The following PXDNL variants were observed in gnomAD, a reference collection of about 807,000 sequenced individuals.
PXDNL encodes probable oxidoreductase PXDNL.
A neutral mutation model predicts 150.8 loss-of-function variants in PXDNL; 145 were observed. That is an observed-to-expected ratio of 0.96 (90% CI 0.84 to 1.10). PXDNL has a LOEUF of 1.10. Ranked by LOEUF, PXDNL falls within the 50% of genes least tolerant of loss-of-function variation. PXDNL has a pLI of 0.00. For missense variants in PXDNL, 2,087 were observed against 1,873.9 expected, an observed-to-expected ratio of 1.11 and a Z score of -2.10; for synonymous variants, 757 against 725.7, an observed-to-expected ratio of 1.04 and a Z score of -0.69.
intron 4 of PXDNL, among the ~76,000 whole-genome samples, chr8:51,507,536 A>G (rs201044949): frequency 1.3e-5 from 2 of 152,214 alleles, no homozygotes; most frequent in East Asian, 3.8e-4. Context: ...TTAAAGATAT[A>G]AGGACACATG....
rs568986420 is a variant in PXDNL, at chr8:51,805,331, T to G, written c.164+3850A>C. Among the ~76,000 whole-genome samples, 24 of 148,572 alleles carry G rather than the reference T, an allele frequency of 1.6e-4. No individual in the cohort carries two copies. The East Asian group carries it at 4.1e-3, about 25-fold the overall frequency. On this transcript the variant is annotated intron_variant, in intron 1 of 22. Transcript: ENST00000356297. Reference sequence around the variant, plus strand: ...TATATATACATATATATATTTTAAATTATACAATTTTATATATAAAACTTT... The same window carrying G: ...TATATATACATATATATATTTTAAAGTATACAATTTTATATATAAAACTTT...
intron 1 of PXDNL, among the ~76,000 whole-genome samples, chr8:51,741,989 A>G (rs1019135418): frequency 7.2e-5 from 11 of 152,220 alleles, no homozygotes; most frequent in African/African-American, 2.4e-4. Flanking sequence ...AAACAACCAA[A>G]TATGCTTCAG....
intron 1 of PXDNL, among the ~76,000 whole-genome samples, chr8:51,729,528 G>A (rs978713136): frequency 1.3e-5 from 2 of 152,214 alleles, no homozygotes; most frequent in African/African-American, 4.8e-5. Flanking sequence ...GAGCAGCAGA[G>A]ACTCTTATTG....
rs559126002 is a variant in PXDNL at position 51,405,022 on chromosome 8, G to A, written c.3557+3045C>T. Reference sequence around the variant, plus strand: ...AATTCGAGCTCAGCACCGGGACCCAGCGCACCCTCCGCAGCTGCTGGCCCG... The same window carrying A: ...AATTCGAGCTCAGCACCGGGACCCAACGCACCCTCCGCAGCTGCTGGCCCG... On this transcript the variant is annotated intron_variant, in intron 17 of 22. Coordinates refer to ENST00000356297, the MANE Select transcript of PXDNL (RefSeq NM_144651.5). Among the ~76,000 whole-genome samples the A allele has an allele frequency of 2.0e-5, 3 of 152,276 alleles. No homozygotes were observed. The East Asian group carries it at 5.8e-4, about 30-fold the overall frequency.
intron 1 of PXDNL, among the ~76,000 whole-genome samples, chr8:51,776,339 A>C (rs1249122680): frequency 6.6e-6 from 1 of 152,074 alleles, no homozygotes; most frequent in Non-Finnish European, 1.5e-5. Context: ...AAAATCACTA[A>C]TAAAAACTTG....
intron 1 of PXDNL, among the ~76,000 whole-genome samples, chr8:51,788,710 G>C (rs1220859556): frequency 6.6e-6 from 1 of 152,194 alleles, no homozygotes; most frequent in Admixed American, 6.5e-5. Context: ...CTGTGAAGTT[G>C]AGTGCTCACA....
intron 21 of PXDNL, among the ~76,000 whole-genome samples, chr8:51,323,815 C>T (rs537096283): frequency 6.6e-6 from 1 of 151,752 alleles, no homozygotes; most frequent in East Asian, 1.9e-4. Flanking sequence ...ACTCGGGAGG[C>T]TGAGGCAGGA....
intron 11 of PXDNL, among the ~76,000 whole-genome samples, chr8:51,448,038 C>T (rs1304944681): frequency 6.6e-6 from 1 of 152,198 alleles, no homozygotes; most frequent in South Asian, 2.1e-4. Context: ...CAAAGTCTAC[C>T]TCCTATCAAC....
At chr8:51,506,555 A>G (rs1811297215) in intron 4 of PXDNL, among the ~76,000 whole-genome samples, 1 of 151,074 alleles carries the variant, frequency 6.6e-6, no homozygotes, top group Non-Finnish European at 1.5e-5. Flanking sequence ...AAAAAAAAAA[A>G]AAAAAAAAAA....
intron 1 of PXDNL, among the ~76,000 whole-genome samples, chr8:51,800,477 T>C (rs1478102935): frequency 2.0e-5 from 3 of 152,072 alleles, no homozygotes; most frequent in Non-Finnish European, 2.9e-5. Context: ...CAAGGTGAGC[T>C]CTGAGCTGCT....
chr8:51,590,381 A>T (rs1294583857), intron 3 of PXDNL, among the ~76,000 whole-genome samples: 2 of 151,934 alleles, frequency 1.3e-5, no homozygotes, highest in Non-Finnish European at 2.9e-5. Flanking sequence ...TGCCACTGAG[A>T]CCCCAGAGCT....
chr8:51,372,408 T>C (rs903180827), intron 18 of PXDNL, among the ~76,000 whole-genome samples: 5 of 152,078 alleles, frequency 3.3e-5, no homozygotes, highest in African/African-American at 9.7e-5. Context: ...TGAGACGGAG[T>C]CTCATTCACT....
chr8:51,598,650 T>C (rs1813626203), intron 2 of PXDNL, among the ~76,000 whole-genome samples: 1 of 152,152 alleles, frequency 6.6e-6, no homozygotes, highest in East Asian at 1.9e-4. Flanking sequence ...GCTAGTATTT[T>C]GTTGAGGAAT....
chr8:51,420,105 C>T (rs1057409546), intron 14 of PXDNL, among the ~76,000 whole-genome samples: 40 of 152,226 alleles, frequency 2.6e-4, no homozygotes, highest in African/African-American at 9.6e-4. Flanking sequence ...CATTATTGTG[C>T]ATTACTTTCT....
intron 1 of PXDNL, among the ~76,000 whole-genome samples, chr8:51,665,662 C>A (rs1005446282): frequency 6.6e-6 from 1 of 151,980 alleles, no homozygotes; most frequent in Admixed American, 6.6e-5. Flanking sequence ...TCATAATTGG[C>A]GAAATTCAAA....
intron 6 of PXDNL, among the ~76,000 whole-genome samples, chr8:51,480,743 C>A (rs1461562086): frequency 6.6e-6 from 1 of 152,178 alleles, no homozygotes; most frequent in East Asian, 1.9e-4. Flanking sequence ...ATAAGTCTCA[C>A]AAGATCTGAT....
intron 17 of PXDNL, among the ~76,000 whole-genome samples, chr8:51,378,118 G>A (rs57622227): frequency 0.036 from 5,280 of 147,610 alleles, 313 homozygotes; most frequent in African/African-American, 0.13. Flanking sequence ...CTGGTGGGGC[G>A]TTGGAGAACC....
intron 2 of PXDNL, among the ~76,000 whole-genome samples, chr8:51,635,412 C>T (rs1244863277): frequency 6.6e-6 from 1 of 151,756 alleles, no homozygotes; most frequent in African/African-American, 2.4e-5. Context: ...AAGAGAAAAA[C>T]AATAAATAGA....
intron 2 of PXDNL, among the ~76,000 whole-genome samples, chr8:51,607,578 T>A (rs1044953691): frequency 6.6e-6 from 1 of 151,854 alleles, no homozygotes; most frequent in Non-Finnish European, 1.5e-5. Context: ...CAGTGGCTCA[T>A]GCCTGTAATC....
Sources: gnomAD v4.1 joint callset for allele counts (sites outside exome capture counted in the v4.1 genomes callset) on GRCh38, gnomAD v4.1.1 for gene constraint, MANE v1.5 for transcripts, NCBI Gene and HGNC (gene_info 2026-07-23, HGNC 2026-07-21) for gene names.